The following ATL1 variants were observed in gnomAD, a reference collection of about 807,000 sequenced individuals.
ATL1 encodes the protein atlastin-1.
In ATL1, 31 loss-of-function variants were observed where a neutral mutation model predicts 75.5. The observed-to-expected ratio is 0.41, with a 90% CI of 0.31 to 0.55. The LOEUF (loss-of-function observed/expected upper bound fraction) is 0.55. Ranked by LOEUF, ATL1 falls within the 20% of genes least tolerant of loss-of-function variation. The probability of loss-of-function intolerance (pLI) is 0.27; values close to 1 mark genes in which losing one functional copy is unlikely to be tolerated. For synonymous variants in ATL1, 226 were observed against 233.3 expected (o/e 0.97, Z 0.28); for missense variants, 405 against 662.6 (o/e 0.61, Z 4.27).
At chr14:50,614,247 A>G in intron 7 of ATL1, 126 bp from the exon 8 acceptor site, 1 of 1,047,208 alleles carries the variant, frequency 9.5e-7, no homozygotes, top group Non-Finnish European at 1.5e-6. Context: ...TTTCTTTAGT[A>G]GCAGCCCTGT....
chr14:50,629,436 CCAGT>C (rs1296510109), intron 12 of ATL1, among the ~76,000 whole-genome samples: 1 of 151,976 alleles, frequency 6.6e-6, no homozygotes, highest in Non-Finnish European at 1.5e-5. Context: ...ACAAAAATAG[CCAGT>C]CATAGTGGCG....
intron 2 of ATL1, 46 bp from the exon 3 acceptor site, chr14:50,590,895 A>G (rs780987119): frequency 3.8e-6 from 6 of 1,590,756 alleles, no homozygotes; most frequent in East Asian, 2.2e-5. Flanking sequence ...GGAAAAAACT[A>G]TATACACATA....
chr14:50,623,226 C>T lies in ATL1; in HGVS notation c.1097C>T (p.Thr366Ile), dbSNP rs138807792. 22 of 1,613,604 alleles carry T rather than the reference C, an allele frequency of 1.4e-5. No individual in the cohort carries two copies. Among genetic ancestry groups the T allele is most frequent in the Non-Finnish European group, 1.7e-5 (20 of 1,179,826 alleles). ...GCAGCCGTGGCAACTGCCAAGGACA[C>T]ATACAACAAAAAAATGGAAGAGGTA... is the stretch of plus-strand genomic sequence containing the variant. ...NLAAVATAKDTYNKKMEEICG... is the reference protein window; with the variant it reads ...NLAAVATAKDIYNKKMEEICG... Residue 366 changes from threonine (T) to isoleucine (I), a missense_variant, in exon 11 of 14, where the codon ACA becomes ATA. This residue lies in a region of ATL1 where 163 missense variants were observed against 244.1 expected (regional missense o/e 0.67). Coordinates refer to ENST00000358385, the MANE Select transcript of ATL1 (RefSeq NM_015915.5).
chr14:50,588,641 C>T (rs1429485103), intron 2 of ATL1, among the ~76,000 whole-genome samples: 1 of 152,114 alleles, frequency 6.6e-6, no homozygotes, highest in Non-Finnish European at 1.5e-5. Flanking sequence ...GTAATCCCAG[C>T]ACTTTGGGAG....
chr14:50,620,490 G>A (rs1266796458), intron 8 of ATL1, 109 bp from the exon 9 acceptor site: 3 of 1,111,922 alleles, frequency 2.7e-6, no homozygotes, highest in Non-Finnish European at 3.9e-6. Flanking sequence ...AGTGAGTGAT[G>A]GCATTATCAC....
At chr14:50,541,951 G>C (rs1298861954) in intron 1 of ATL1, among the ~76,000 whole-genome samples, 3 of 130,490 alleles carry the variant, frequency 2.3e-5, no homozygotes, top group South Asian at 5.3e-4. Context: ...AGCTTGTAGT[G>C]AGCCGAGATC....
At chr14:50,597,988 C>T (rs1399287531) in intron 6 of ATL1, among the ~76,000 whole-genome samples, 1 of 152,212 alleles carries the variant, frequency 6.6e-6, no homozygotes, top group Non-Finnish European at 1.5e-5. Context: ...AGCCACCGCA[C>T]CCGGCCAATA....
In ATL1 at chr14:50,582,708, A is replaced by G. The variant is rs775575075; in HGVS notation, c.35-5123A>G. ...CCCAAAGTGCTGGGATTACAAGTGT[A>G]AGCCACCATGCCCAGCTGCTAATTC... On this transcript the variant is annotated intron_variant, in intron 1 of 13. Transcript: ENST00000358385. Among the ~76,000 whole-genome samples, 7 of 151,768 alleles carry G rather than the reference A, an allele frequency of 4.6e-5. No individual in the cohort carries two copies. In the South Asian group the frequency reaches 1.3e-3, roughly 27 times the overall value.
chr14:50,591,974 T>C (rs1298746403), intron 4 of ATL1, among the ~76,000 whole-genome samples: 1 of 152,242 alleles, frequency 6.6e-6, no homozygotes, highest in African/African-American at 2.4e-5. Context: ...TTGTAAGTTA[T>C]GTTTAATGAA....
chr14:50,603,220 C>T (rs1174615728), intron 6 of ATL1, among the ~76,000 whole-genome samples: 1 of 152,168 alleles, frequency 6.6e-6, no homozygotes, highest in East Asian at 1.9e-4. Flanking sequence ...TTATTATCTT[C>T]TCTTCCATGT....
chr14:50,619,839 C>T (rs1041696512), intron 8 of ATL1, among the ~76,000 whole-genome samples: 3 of 152,092 alleles, frequency 2.0e-5, no homozygotes, highest in Non-Finnish European at 2.9e-5. Context: ...AAGGTGGGCA[C>T]GCTATGCACG....
At chr14:50,564,441 A>C (rs1223913409) in intron 1 of ATL1, among the ~76,000 whole-genome samples, 1 of 151,986 alleles carries the variant, frequency 6.6e-6, no homozygotes, top group East Asian at 1.9e-4. Flanking sequence ...GGAGGTCAGG[A>C]GATGGAGACC....
At chr14:50,595,505 G>T (rs930230492) in intron 5 of ATL1, 71 bp from the exon 6 acceptor site, 2 of 1,417,418 alleles carry the variant, frequency 1.4e-6, no homozygotes, top group Non-Finnish European at 2.0e-6. Flanking sequence ...TTAAAACTTT[G>T]CAGGTGCTAA....
At chr14:50,595,526 C>G in intron 5 of ATL1, 50 bp from the exon 6 acceptor site, 3 of 1,530,974 alleles carry the variant, frequency 2.0e-6, no homozygotes, top group Non-Finnish European at 2.7e-6. Flanking sequence ...AGTTCTCTCT[C>G]TCTCTCTCTC....
In ATL1 at chr14:50,611,129, C is replaced by T. The variant is rs145745264; in HGVS notation, c.631-2130C>T. On this transcript the variant is annotated intron_variant, in intron 6 of 13. Coordinates refer to ENST00000358385, the MANE Select transcript of ATL1 (RefSeq NM_015915.5). Reference sequence around the variant, plus strand: ...TCTGGATCTCAGTGGTCATCTTGGCCGTCATGTAGAGAGGACTGTTCAGAG... The same window carrying T: ...TCTGGATCTCAGTGGTCATCTTGGCTGTCATGTAGAGAGGACTGTTCAGAG... 4.2e-4 allele frequency among the ~76,000 whole-genome samples: 64 copies of T among 152,022 alleles called. 1 individual carries two copies. In the East Asian group the frequency reaches 9.1e-3, roughly 22 times the overall value.
intron 11 of ATL1, among the ~76,000 whole-genome samples, chr14:50,623,972 T>G (rs1363938383): frequency 6.6e-6 from 1 of 152,152 alleles, no homozygotes; most frequent in East Asian, 1.9e-4. Context: ...GGGTAATTGC[T>G]TGAAACAGGG....
chr14:50,605,326 T>C (rs1004181332), intron 6 of ATL1, among the ~76,000 whole-genome samples: 18 of 151,958 alleles, frequency 1.2e-4, no homozygotes, highest in Non-Finnish European at 2.7e-4. Context: ...TTTGGTCTTG[T>C]TTTTATCTGA....
chr14:50,547,677 A>ACTAC (rs1352036635), intron 1 of ATL1, among the ~76,000 whole-genome samples: 6 of 152,200 alleles, frequency 3.9e-5, no homozygotes, highest in Admixed American at 1.3e-4. Flanking sequence ...ATGATGGTAG[A>ACTAC]CTACCATGAG....
chr14:50,540,450 T>C (rs746365954), intron 1 of ATL1, among the ~76,000 whole-genome samples: 9 of 152,110 alleles, frequency 5.9e-5, no homozygotes, highest in Non-Finnish European at 1.3e-4. Context: ...GCGGATGTCT[T>C]TGAGGGAGAG....
Sources: gnomAD v4.1 joint callset for allele counts (sites outside exome capture counted in the v4.1 genomes callset) on GRCh38, gnomAD v4.1.1 for gene constraint, gnomAD v4.1.1 regional missense constraint, MANE v1.5 for transcripts, NCBI Gene and HGNC (gene_info 2026-07-23, HGNC 2026-07-21) for gene names.